The following TMEM200A variants were observed in gnomAD, a reference collection of about 807,000 sequenced individuals.
The protein encoded by TMEM200A is transmembrane protein 200A, also known as two transmembrane C.
Under a neutral mutation model 24.3 loss-of-function variants are expected in TMEM200A, and 12 were observed. The observed-to-expected ratio is 0.49, with a 90% CI of 0.32 to 0.80. The LOEUF (loss-of-function observed/expected upper bound fraction) is 0.80. TMEM200A is among the 30% of genes least tolerant of loss of function. TMEM200A has a pLI of 0.04. For synonymous variants in TMEM200A, 224 were observed against 224.4 expected, an observed-to-expected ratio of 1.00 and a Z score of 0.02; for missense variants, 545 against 614.4, an observed-to-expected ratio of 0.89 and a Z score of 1.19.
chr6:130,438,979 A>G (rs1780089216), intron 2 of TMEM200A: 1 of 149,662 alleles, frequency 6.7e-6, no homozygotes, highest in Non-Finnish European at 1.5e-5. Context: ...GACAGCTGAA[A>G]CATTGTTAAC....
chr6:130,407,647 C>G (rs986652581), intron 2 of TMEM200A, among the ~76,000 whole-genome samples: 3 of 152,162 alleles, frequency 2.0e-5, no homozygotes. Flanking sequence ...ACAGGTGCTG[C>G]AAGACATGTA....
At chr6:130,403,335 C>T (rs1779129608) in intron 2 of TMEM200A, among the ~76,000 whole-genome samples, 1 of 152,074 alleles carries the variant, frequency 6.6e-6, no homozygotes, top group African/African-American at 2.4e-5. Context: ...GAAGATAGCA[C>T]TTTCATACCA....
At chr6:130,413,164 A>G (rs546374052) in intron 2 of TMEM200A, among the ~76,000 whole-genome samples, 1 of 152,326 alleles carries the variant, frequency 6.6e-6, no homozygotes, top group Admixed American at 6.5e-5. Flanking sequence ...CTCATTCTAC[A>G]CATGGAATCT....
At chr6:130,421,340 G>A (rs567877877) in intron 2 of TMEM200A, 7 of 152,240 alleles carry the variant, frequency 4.6e-5, no homozygotes, top group South Asian at 2.1e-4. Context: ...AAGACTCGCG[G>A]ATGTTAGTTT....
intron 2 of TMEM200A, among the ~76,000 whole-genome samples, chr6:130,431,286 C>A (rs544535346): frequency 3.3e-5 from 5 of 152,274 alleles, no homozygotes; most frequent in African/African-American, 1.2e-4. Flanking sequence ...AACATAGCCA[C>A]TATCTTGTAA....
At chr6:130,403,740 C>T (rs538940855) in intron 2 of TMEM200A, among the ~76,000 whole-genome samples, 12 of 151,770 alleles carry the variant, frequency 7.9e-5, no homozygotes, top group African/African-American at 1.2e-4. Flanking sequence ...TTGTGTCATG[C>T]GGGTTTGTTG....
intron 2 of TMEM200A, chr6:130,438,701 C>T (rs953396902): frequency 2.0e-5 from 3 of 152,126 alleles, no homozygotes; most frequent in Non-Finnish European, 2.9e-5. Context: ...TAGCCATGTG[C>T]AAGGTATTAC....
At chr6:130,391,019 T>C (rs192796784) in intron 2 of TMEM200A, among the ~76,000 whole-genome samples, 15 of 152,324 alleles carry the variant, frequency 9.8e-5, no homozygotes, top group African/African-American at 3.4e-4. Context: ...CATTGCCTAG[T>C]GTCCTCTGCG....
intron 2 of TMEM200A, among the ~76,000 whole-genome samples, chr6:130,411,676 C>T (rs1779333047): frequency 6.6e-6 from 1 of 152,170 alleles, no homozygotes; most frequent in Non-Finnish European, 1.5e-5. Flanking sequence ...CATAGAGTGT[C>T]TCCTAAGGTT....
At chr6:130,394,025 A>G (rs1327522536) in intron 2 of TMEM200A, among the ~76,000 whole-genome samples, 2 of 152,178 alleles carry the variant, frequency 1.3e-5, no homozygotes, top group African/African-American at 2.4e-5. Flanking sequence ...ATTATTTTAC[A>G]CTGCTGTTGA....
intron 2 of TMEM200A, among the ~76,000 whole-genome samples, chr6:130,388,338 C>T (rs1778758684): frequency 6.6e-6 from 1 of 152,178 alleles, no homozygotes; most frequent in South Asian, 2.1e-4. Context: ...AAATAAACTA[C>T]AACATTAGGA....
intron 2 of TMEM200A, among the ~76,000 whole-genome samples, chr6:130,424,697 A>T (rs1371838435): frequency 6.6e-6 from 1 of 152,150 alleles, no homozygotes; most frequent in African/African-American, 2.4e-5. Flanking sequence ...AGAAATTGTT[A>T]TCCCTGGATC....
At chr6:130,372,997 G>A (rs958768205) in intron 1 of TMEM200A, among the ~76,000 whole-genome samples, 1 of 152,204 alleles carries the variant, frequency 6.6e-6, no homozygotes, top group Non-Finnish European at 1.5e-5. Context: ...GTGAATAGGA[G>A]TAGGCTCTTT....
intron 2 of TMEM200A, among the ~76,000 whole-genome samples, chr6:130,404,656 G>A (rs1779164408): frequency 6.6e-6 from 1 of 152,132 alleles, no homozygotes; most frequent in East Asian, 1.9e-4. Flanking sequence ...CTTCTGCTGT[G>A]TAGAAGCTCT....
At chr6:130,391,362 C>T (rs1256913045) in intron 2 of TMEM200A, among the ~76,000 whole-genome samples, 2 of 152,216 alleles carry the variant, frequency 1.3e-5, no homozygotes, top group African/African-American at 2.4e-5. Flanking sequence ...ATGCCACCAC[C>T]TTCTCAGATC....
Position 130,416,767 on chromosome 6 carries a change from A to G in TMEM200A, c.-16-23640A>G, listed in dbSNP as rs559470720. On this transcript the variant is annotated intron_variant, in intron 2 of 2. Transcript: ENST00000296978. ...AATCTGATCCTCTTCTATCTCTGCT[A>G]GAAGAGATCATCATGGTGTCTCCTA... is the stretch of plus-strand genomic sequence containing the variant. Among the ~76,000 whole-genome samples, 9 of 152,284 alleles carry G rather than the reference A, an allele frequency of 5.9e-5. No homozygotes were observed. The South Asian group carries it at 1.5e-3, about 25-fold the overall frequency.
chr6:130,377,698 A>C (rs1778494314), intron 1 of TMEM200A, among the ~76,000 whole-genome samples: 1 of 152,218 alleles, frequency 6.6e-6, no homozygotes, highest in Non-Finnish European at 1.5e-5. Flanking sequence ...TCATTCAATA[A>C]ACATTTTCTG....
intron 1 of TMEM200A, among the ~76,000 whole-genome samples, chr6:130,383,936 T>C (rs1239601654): frequency 6.6e-6 from 1 of 152,120 alleles, no homozygotes; most frequent in African/African-American, 2.4e-5. Context: ...CTGGCCAACA[T>C]GGTGAAACCC....
Position 130,440,917 on chromosome 6 carries a change from C to A in TMEM200A, c.495C>A (p.Ser165=). ...TCATACACATGAGGGATATCTATTCCACAGTCATTGACATTCACACGCTAA... is the reference window on the plus strand; with the variant it reads ...TCATACACATGAGGGATATCTATTCAACAGTCATTGACATTCACACGCTAA... The part of the protein sequence containing the change: ...TKIIHMRDIY[S]TVIDIHTLRI... Residue 165 remains serine, a synonymous_variant, in exon 3 of 3, where the codon TCC becomes TCA. Coordinates refer to ENST00000296978, the MANE Select transcript of TMEM200A (RefSeq NM_001258277.2). 1 of 1,613,992 alleles carries A rather than the reference C, an allele frequency of 6.2e-7. No homozygotes were observed. Among genetic ancestry groups the A allele is most frequent in the Non-Finnish European group, 8.5e-7 (1 of 1,179,996 alleles).
Sources: allele counts gnomAD v4.1 joint callset (sites outside exome capture counted in the v4.1 genomes callset), GRCh38; gene constraint gnomAD v4.1.1; transcripts MANE v1.5; gene names NCBI Gene and HGNC (gene_info 2026-07-23, HGNC 2026-07-21).